Variants in NELL1 observed in about 807,000 individuals in gnomAD.
The protein encoded by NELL1 is protein kinase C-binding protein NELL1.
In NELL1, 76 loss-of-function variants were observed where a neutral mutation model predicts 107.4. The ratio of observed to expected loss-of-function variants is 0.71; its 90% CI spans 0.59 to 0.86. NELL1 has a LOEUF of 0.86. NELL1 is among the 40% of genes least tolerant of loss of function. NELL1 has a pLI of 0.00. For synonymous variants in NELL1, 353 were observed against 341.2 expected, an observed-to-expected ratio of 1.03 and a Z score of -0.38; for missense variants, 1,024 against 1,005.5, an observed-to-expected ratio of 1.02 and a Z score of -0.25.
chr11:21,303,101 T>G (rs1377520742), intron 14 of NELL1, among the ~76,000 whole-genome samples: 2 of 151,508 alleles, frequency 1.3e-5, no homozygotes, highest in African/African-American at 4.9e-5. Context: ...TATATCTATA[T>G]CTATATCTAT....
Position 20,960,527 on chromosome 11 carries a change from A to G in NELL1, c.1267A>G (p.Ile423Val). Reference sequence around the variant, plus strand: ...TACTTGTGAGTGCAAGAGTGGTTACATCTCTGTCCAGGGAGACTCTGCCTA... The same window carrying G: ...TACTTGTGAGTGCAAGAGTGGTTACGTCTCTGTCCAGGGAGACTCTGCCTA... ...KATCECKSGY[I>V]SVQGDSAYCE... Residue 423 changes from isoleucine (I) to valine (V), a missense_variant, in exon 12 of 20, where the codon ATC becomes GTC. Coordinates refer to ENST00000357134, the MANE Select transcript of NELL1 (RefSeq NM_006157.5). 2 of 1,614,008 alleles carry G rather than the reference A, an allele frequency of 1.2e-6. No homozygotes were observed. The highest frequency in any genetic ancestry group is 1.7e-6 in the Non-Finnish European group (2 of 1,179,894).
intron 3 of NELL1, among the ~76,000 whole-genome samples, chr11:20,812,241 T>C (rs1857516653): frequency 6.6e-6 from 1 of 152,354 alleles, no homozygotes; most frequent in South Asian, 2.1e-4. Flanking sequence ...ATTATGCTTA[T>C]TGTGTTTCAC....
intron 12 of NELL1, among the ~76,000 whole-genome samples, chr11:20,983,942 A>G (rs528740874): frequency 5.9e-5 from 9 of 152,082 alleles, no homozygotes; most frequent in Non-Finnish European, 1.2e-4. Context: ...CTTTGTCTCC[A>G]TTCACATTAG....
intron 14 of NELL1, among the ~76,000 whole-genome samples, chr11:21,261,052 A>T (rs888113941): frequency 6.6e-6 from 1 of 151,868 alleles, no homozygotes; most frequent in African/African-American, 2.4e-5. Flanking sequence ...GATCATAGTT[A>T]GCAACTGTAT....
intron 12 of NELL1, among the ~76,000 whole-genome samples, chr11:21,078,758 T>G (rs1309932864): frequency 6.6e-6 from 1 of 152,072 alleles, no homozygotes; most frequent in East Asian, 1.9e-4. Flanking sequence ...AAGATTTAGG[T>G]GTTGAAAATC....
intron 2 of NELL1, among the ~76,000 whole-genome samples, chr11:20,684,055 G>A (rs1284949697): frequency 1.5e-5 from 2 of 136,682 alleles, no homozygotes; most frequent in Non-Finnish European, 3.1e-5. Flanking sequence ...ACAATTACAT[G>A]TATATATTTG....
chr11:21,575,102 GT>G lies in NELL1; in HGVS notation c.*87del, dbSNP rs1248794553. The G allele has an allele frequency of 1.5e-5, 19 of 1,287,342 alleles. No homozygotes were observed. Among genetic ancestry groups the G allele is most frequent in the Admixed American group, 5.3e-5 (3 of 56,334 alleles). The allele number at this position is 1,287,342 out of a possible 1,614,324, so 79.7% of individuals were successfully genotyped here. A position where few individuals can be genotyped will look rare whatever the true frequency, so the allele number is the denominator to read the frequency against. On this transcript the variant is annotated 3_prime_UTR_variant, in exon 20 of 20. Coordinates refer to ENST00000357134, the MANE Select transcript of NELL1 (RefSeq NM_006157.5). ...ATTAAGGATAGGAATCGGTAGTTTG[GT>G]TTTTTTGTTTGTTTTGTTTTTTTAA...
intron 15 of NELL1, among the ~76,000 whole-genome samples, chr11:21,422,202 C>A (rs1415583297): frequency 6.6e-6 from 1 of 151,938 alleles, no homozygotes. Context: ...CTAGACCTAC[C>A]CTGCCCTGCA....
chr11:20,872,253 A>G (rs11025795), intron 4 of NELL1, among the ~76,000 whole-genome samples: 87,551 of 147,476 alleles, frequency 0.59, 29,196 homozygotes, highest in Non-Finnish European at 0.75. Context: ...GGCTCACTGT[A>G]GCCTCAGCCT....
At chr11:20,840,841 T>G (rs2134049064) in intron 3 of NELL1, among the ~76,000 whole-genome samples, 1 of 152,332 alleles carries the variant, frequency 6.6e-6, no homozygotes, top group Middle Eastern at 3.4e-3. Context: ...TGGGAGATAT[T>G]GTGTCTCAAA....
intron 14 of NELL1, among the ~76,000 whole-genome samples, chr11:21,350,910 C>T (rs1174514580): frequency 6.6e-6 from 1 of 152,126 alleles, no homozygotes; most frequent in Non-Finnish European, 1.5e-5. Flanking sequence ...ACCCTCATTA[C>T]TTATTAACGT....
In NELL1 at chr11:21,574,859, C is replaced by A. The variant is rs1021436158; in HGVS notation, c.2383-113C>A. Reference sequence around the variant, plus strand: ...ATTTTTTTCTAGTCATTTTTTATAGCCTTCTTGAAGTTTGTCTCAAAATGC... The same window carrying A: ...ATTTTTTTCTAGTCATTTTTTATAGACTTCTTGAAGTTTGTCTCAAAATGC... On this transcript the variant is annotated intron_variant, in intron 19 of 19. Transcript: ENST00000357134. 3 of 812,580 alleles carry A rather than the reference C, an allele frequency of 3.7e-6. 1 individual carries two copies. Among genetic ancestry groups the A allele is most frequent in the Middle Eastern group, 6.7e-4 (2 of 2,966 alleles). The allele number at this position is 812,580 out of a possible 1,614,324, so 50.3% of individuals were successfully genotyped here.
intron 3 of NELL1, among the ~76,000 whole-genome samples, chr11:20,831,989 G>T (rs779675417): frequency 2.0e-5 from 3 of 152,196 alleles, no homozygotes; most frequent in African/African-American, 7.2e-5. Context: ...GGAATTCAGC[G>T]TAGGGGGTGG....
chr11:20,777,786 C>T (rs576628824), intron 2 of NELL1, among the ~76,000 whole-genome samples: 3 of 151,806 alleles, frequency 2.0e-5, no homozygotes, highest in Non-Finnish European at 4.4e-5. Context: ...CCTGCATTCT[C>T]TACCAGTCAA....
intron 13 of NELL1, among the ~76,000 whole-genome samples, chr11:21,153,158 A>G (rs1038793611): frequency 6.6e-6 from 1 of 152,158 alleles, no homozygotes; most frequent in Non-Finnish European, 1.5e-5. Context: ...TGTTTTCATC[A>G]GGCATTTTAT....
intron 9 of NELL1, chr11:20,935,830 G>C (rs1248505298): frequency 6.6e-6 from 1 of 152,402 alleles, no homozygotes; most frequent in East Asian, 1.9e-4. Flanking sequence ...ACATTGATAG[G>C]ATTTGGACAC....
At chr11:21,228,943 T>C (rs765546347) in intron 13 of NELL1, among the ~76,000 whole-genome samples, 3 of 151,772 alleles carry the variant, frequency 2.0e-5, no homozygotes, top group Non-Finnish European at 4.4e-5. Context: ...TTCCCAATCA[T>C]GGCAACCAAA....
At chr11:21,218,045 T>G (rs1857661420) in intron 13 of NELL1, among the ~76,000 whole-genome samples, 1 of 152,186 alleles carries the variant, frequency 6.6e-6, no homozygotes, top group South Asian at 2.1e-4. Context: ...ATCATTATTA[T>G]TATAATCAGT....
At chr11:21,153,592 T>C (rs1357974008) in intron 13 of NELL1, among the ~76,000 whole-genome samples, 1 of 152,144 alleles carries the variant, frequency 6.6e-6, no homozygotes, top group Admixed American at 6.6e-5. Context: ...GGAAGGGCAC[T>C]TATAGTTCCC....
Sources: gnomAD v4.1 joint callset for allele counts (sites outside exome capture counted in the v4.1 genomes callset) on GRCh38, gnomAD v4.1.1 for gene constraint, MANE v1.5 for transcripts, NCBI Gene and HGNC (gene_info 2026-07-23, HGNC 2026-07-21) for gene names.